C19orf47: variants seen among roughly 807,000 people sequenced by gnomAD.
The protein encoded by C19orf47 is chromosome 19 open reading frame 47.
In C19orf47, 18 loss-of-function variants were observed where a neutral mutation model predicts 32.3. The observed-to-expected ratio is 0.56, with a 90% CI of 0.39 to 0.83. The LOEUF is 0.83. Ranked by LOEUF, C19orf47 falls within the 40% of genes least tolerant of loss-of-function variation. C19orf47 has a pLI of 0.00. For missense variants in C19orf47, 484 were observed against 531.6 expected (o/e 0.91, Z 0.88); for synonymous variants, 202 against 211.1 (o/e 0.96, Z 0.37).
At chr19:40,344,866 C>G (rs2145624000) in intron 1 of C19orf47, among the ~76,000 whole-genome samples, 1 of 152,280 alleles carries the variant, frequency 6.6e-6, no homozygotes, top group African/African-American at 2.4e-5. Flanking sequence ...CGGAAAGTTA[C>G]AGATGAGAAT....
At chr19:40,328,637 T>C in intron 5 of C19orf47, 87 bp from the exon 6 acceptor site, 1 of 1,474,438 alleles carries the variant, frequency 6.8e-7, no homozygotes, top group Non-Finnish European at 9.1e-7. Context: ...ATGGAGAAGG[T>C]GAGGCTTGAG....
At chr19:40,300,215 C>T in the C19orf47 span, among the ~76,000 whole-genome samples, 1 of 151,690 alleles carries the variant, frequency 6.6e-6, no homozygotes, top group African/African-American at 2.4e-5. Context: ...GCTTGTAATC[C>T]CAGCACTTTG....
the C19orf47 span, among the ~76,000 whole-genome samples, chr19:40,301,656 G>A: frequency 1.3e-5 from 2 of 151,436 alleles, no homozygotes. Context: ...GCTTTGCCTG[G>A]CCAACATAGA....
At chr19:40,340,992 AAG>A (rs1409443870) in intron 2 of C19orf47, among the ~76,000 whole-genome samples, 1 of 150,154 alleles carries the variant, frequency 6.7e-6, no homozygotes, top group Admixed American at 6.7e-5. Flanking sequence ...AAAAAAAAAA[AAG>A]GATATACTCA....
intron 1 of C19orf47, among the ~76,000 whole-genome samples, chr19:40,347,404 T>C (rs1666732126): frequency 6.6e-6 from 1 of 151,956 alleles, no homozygotes; most frequent in Admixed American, 6.6e-5. Flanking sequence ...TGGTGGCGCA[T>C]GCCTGTAATC....
chr19:40,300,293 C>T, the C19orf47 span, among the ~76,000 whole-genome samples: 405 of 151,654 alleles, frequency 2.7e-3, 1 homozygote, highest in African/African-American at 9.0e-3. Context: ...AATGAAACCC[C>T]GTCTCTACTA....
intron 7 of C19orf47, among the ~76,000 whole-genome samples, chr19:40,326,029 T>C (rs1267261776): frequency 6.6e-6 from 1 of 152,220 alleles, no homozygotes; most frequent in South Asian, 2.1e-4. Flanking sequence ...CGGTGCCACT[T>C]TGGGGTATTT....
At chr19:40,298,016 G>A in the C19orf47 span, among the ~76,000 whole-genome samples, 3 of 151,486 alleles carry the variant, frequency 2.0e-5, no homozygotes, top group Non-Finnish European at 2.9e-5. Flanking sequence ...CTCCAGCTTG[G>A]GTGACAGAGT....
intron 4 of C19orf47, among the ~76,000 whole-genome samples, chr19:40,335,588 A>T (rs1470100988): frequency 6.6e-6 from 1 of 151,786 alleles, no homozygotes; most frequent in African/African-American, 2.4e-5. Flanking sequence ...TCAAAAAAAT[A>T]TATACAACCA....
At chr19:40,305,850 T>C in the C19orf47 span, among the ~76,000 whole-genome samples, 19,832 of 152,050 alleles carry the variant, frequency 0.13, 2,076 homozygotes, top group African/African-American at 0.29. Context: ...GTACTGTGCT[T>C]ATGAAAGAGA....
chr19:40,301,964 A>G, the C19orf47 span, among the ~76,000 whole-genome samples: 3 of 151,878 alleles, frequency 2.0e-5, no homozygotes, highest in African/African-American at 7.2e-5. Flanking sequence ...GTTGGAAAAC[A>G]GCCTGGTCAA....
the C19orf47 span, among the ~76,000 whole-genome samples, chr19:40,307,001 G>A: frequency 6.6e-6 from 1 of 151,182 alleles, no homozygotes; most frequent in Non-Finnish European, 1.5e-5. Context: ...ATGTTAGCCA[G>A]GATGGTCTTG....
chr19:40,296,153 T>C, the C19orf47 span, among the ~76,000 whole-genome samples: 1 of 152,238 alleles, frequency 6.6e-6, no homozygotes, highest in South Asian at 2.1e-4. Context: ...AGAAAGTGTA[T>C]TTACGCAAAG....
In C19orf47 at chr19:40,348,373, C is replaced by A; in HGVS notation, c.-83G>T. ...TCGCGCCGCCCGCCCTCCCTCCCGG[C>A]GGCGCCAACTGTCAGACACTCCTCC... On this transcript the variant is annotated 5_prime_UTR_variant, in exon 1 of 9. Coordinates refer to ENST00000683109, the MANE Select transcript of C19orf47 (RefSeq NM_001256441.2). The A allele has an allele frequency of 1.4e-6, 2 of 1,411,098 alleles. No homozygotes were observed. The highest frequency in any genetic ancestry group is 1.8e-6 in the Non-Finnish European group (2 of 1,081,728). The allele number at this position is 1,411,098 out of a possible 1,614,324, so 87.4% of individuals were successfully genotyped here. A position where few individuals can be genotyped will look rare whatever the true frequency, so the allele number is the denominator to read the frequency against.
At chr19:40,302,739 T>G in the C19orf47 span, among the ~76,000 whole-genome samples, 1 of 152,190 alleles carries the variant, frequency 6.6e-6, no homozygotes, top group African/African-American at 2.4e-5. Flanking sequence ...GAAACTTGAG[T>G]GGATCCTGAA....
chr19:40,314,890 G>T (rs1424143169), downstream of C19orf47, among the ~76,000 whole-genome samples: 1 of 152,170 alleles, frequency 6.6e-6, no homozygotes, highest in Non-Finnish European at 1.5e-5. Flanking sequence ...CTTCCCCTTT[G>T]AGGTCTTCCT....
In C19orf47 at chr19:40,327,764, A is replaced by G. The variant is rs78511276; in HGVS notation, c.439+649T>C. 3.3e-5 allele frequency among the ~76,000 whole-genome samples: 5 copies of G among 152,260 alleles called. No homozygotes were observed. The East Asian group carries it at 9.7e-4, about 29-fold the overall frequency. On this transcript the variant is annotated intron_variant, in intron 6 of 8. Coordinates refer to ENST00000683109, the MANE Select transcript of C19orf47 (RefSeq NM_001256441.2). Reference sequence around the variant, plus strand: ...GACCTGGAGGAGGACAGAGGCCAACATGGAGCAGTCTGGGAAGGAAGAGTG... The same window carrying G: ...GACCTGGAGGAGGACAGAGGCCAACGTGGAGCAGTCTGGGAAGGAAGAGTG...
chr19:40,314,689 GGAGCA>G (rs2077650888), downstream of C19orf47, among the ~76,000 whole-genome samples: 1 of 152,166 alleles, frequency 6.6e-6, no homozygotes, highest in Non-Finnish European at 1.5e-5. Context: ...CCAAGGAGAT[GGAGCA>G]TAAACCCCCC....
At chr19:40,317,157 G>A (rs2077667733), downstream of C19orf47, among the ~76,000 whole-genome samples, 1 of 151,942 alleles carries the variant, frequency 6.6e-6, no homozygotes, top group Non-Finnish European at 1.5e-5. Flanking sequence ...TGTTGCCCAA[G>A]TGGAGTTGCA....
Sources: allele counts gnomAD v4.1 joint callset (sites outside exome capture counted in the v4.1 genomes callset), GRCh38; gene constraint gnomAD v4.1.1; transcripts MANE v1.5; gene names NCBI Gene and HGNC (gene_info 2026-07-23, HGNC 2026-07-21).